CMIP: variants seen among roughly 807,000 people sequenced by gnomAD.
CMIP encodes the protein c-Maf inducing protein.
Under a neutral mutation model 97.3 loss-of-function variants are expected in CMIP, and 13 were observed. The ratio of observed to expected loss-of-function variants is 0.13; its 90% CI spans 0.09 to 0.21. The LOEUF (loss-of-function observed/expected upper bound fraction) is 0.21. CMIP is among the 10% of genes least tolerant of loss of function. The pLI is 1.00. For missense variants in CMIP, 847 were observed against 1,024.9 expected, an observed-to-expected ratio of 0.83 and a Z score of 2.37; for synonymous variants, 538 against 436.3, an observed-to-expected ratio of 1.23 and a Z score of -2.91.
chr16:81,683,576 G>T (rs1241535381), intron 10 of CMIP, among the ~76,000 whole-genome samples: 1 of 151,712 alleles, frequency 6.6e-6, no homozygotes. Context: ...TTTTAGTAGA[G>T]ACGGGTTTTT....
chr16:81,615,798 G>A (rs1436836486), intron 2 of CMIP, among the ~76,000 whole-genome samples: 1 of 152,032 alleles, frequency 6.6e-6, no homozygotes. Flanking sequence ...TTACATGGGT[G>A]TGAGTCCATA....
intron 19 of CMIP, among the ~76,000 whole-genome samples, chr16:81,705,954 G>A (rs536204731): frequency 2.6e-5 from 4 of 152,316 alleles, no homozygotes; most frequent in South Asian, 2.1e-4. Context: ...TGGTGGCAGC[G>A]TCTTCTGGGG....
rs576276316 is a variant in CMIP, at chr16:81,709,636, G to T, written c.2269-110G>T. On this transcript the variant is annotated intron_variant, in intron 20 of 20. Coordinates refer to ENST00000537098, the MANE Select transcript of CMIP (RefSeq NM_198390.3). ...CCAGGTAGCCCACAGCACCAAGGTG[G>T]GGAGAGGGTGGCAGAGACCCCCAGC... The T allele has an allele frequency of 1.3e-5, 16 of 1,221,938 alleles. No individual in the cohort carries two copies. The African/African-American group carries it at 2.4e-4, about 18-fold the overall frequency. 75.7% of individuals were successfully genotyped at this position (1,221,938 alleles called of 1,614,324 possible). A position where few individuals can be genotyped will look rare whatever the true frequency, so the allele number is the denominator to read the frequency against.
intron 1 of CMIP, among the ~76,000 whole-genome samples, chr16:81,591,289 A>C (rs1056949275): frequency 6.6e-6 from 1 of 152,198 alleles, no homozygotes; most frequent in Non-Finnish European, 1.5e-5. Context: ...TGAGGTCTTT[A>C]ATCAAGTCAC....
At chr16:81,450,570 A>G (rs1906144584) in intron 1 of CMIP, among the ~76,000 whole-genome samples, 1 of 152,180 alleles carries the variant, frequency 6.6e-6, no homozygotes, top group Non-Finnish European at 1.5e-5. Flanking sequence ...AAAGAGCTTC[A>G]TGACTTTCTG....
At chr16:81,455,276 C>G (rs982071981) in intron 1 of CMIP, among the ~76,000 whole-genome samples, 1 of 152,218 alleles carries the variant, frequency 6.6e-6, no homozygotes, top group Non-Finnish European at 1.5e-5. Context: ...AGTGTGTTTC[C>G]TCTTGCCAGG....
intron 18 of CMIP, 133 bp from the exon 19 acceptor site, chr16:81,705,366 C>G (rs985845865): frequency 1.9e-5 from 12 of 635,826 alleles, no homozygotes; most frequent in Non-Finnish European, 3.0e-5. Flanking sequence ...GCAGCCCAGA[C>G]CCCAGGGCTT....
At position 81,592,566 on chromosome 16, in the gene CMIP, A is replaced by G. The variant is rs112162887; in HGVS notation, c.301-15001A>G. On this transcript the variant is annotated intron_variant, in intron 1 of 20. Transcript: ENST00000537098. ...GTGTTGTTACTTTGCACTCCCCATT[A>G]CTTTGCACCCTCCGCTCACCCTGCT... Among the ~76,000 whole-genome samples, 68 of 151,960 alleles carry G rather than the reference A, an allele frequency of 4.5e-4. 1 individual carries two copies. Among genetic ancestry groups the G allele is most frequent in the African/African-American group, 1.6e-3 (68 of 41,428 alleles).
At chr16:81,657,633 TTTAA>T (rs2092499141) in intron 4 of CMIP, 138 bp from the exon 5 acceptor site, 5 of 699,158 alleles carry the variant, frequency 7.2e-6, no homozygotes, top group Non-Finnish European at 1.2e-5. Flanking sequence ...TTCTGATCTG[TTTAA>T]TTAAGAAAAA....
In CMIP at chr16:81,607,435, G is replaced by T. The variant is rs192060825; in HGVS notation, c.301-132G>T. On this transcript the variant is annotated intron_variant, in intron 1 of 20. Coordinates refer to ENST00000537098, the MANE Select transcript of CMIP (RefSeq NM_198390.3). ...GGGAGGCTTGCTTTGGTCACCAGAG[G>T]TGCTGAGCTCCTGCACCAGCTCCAT... The T allele has an allele frequency of 1.6e-5, 19 of 1,167,906 alleles. No individual in the cohort carries two copies. In the East Asian group the frequency reaches 4.0e-4, roughly 25 times the overall value. The allele number at this position is 1,167,906 out of a possible 1,614,324, so 72.3% of individuals were successfully genotyped here.
At chr16:81,580,733 G>A (rs931896782) in intron 1 of CMIP, among the ~76,000 whole-genome samples, 1 of 151,134 alleles carries the variant, frequency 6.6e-6, no homozygotes, top group African/African-American at 2.4e-5. Flanking sequence ...ACTGCTCCTG[G>A]TTGCAGTGAG....
chr16:81,499,145 C>T (rs1478732456), intron 1 of CMIP, among the ~76,000 whole-genome samples: 1 of 152,106 alleles, frequency 6.6e-6, no homozygotes, highest in South Asian at 2.1e-4. Flanking sequence ...GGCCCTGACA[C>T]GATGCTGTTT....
rs114807986 is a variant in CMIP, at chr16:81,700,961, G to A, written c.1756-699G>A. 2.4e-3 allele frequency among the ~76,000 whole-genome samples: 362 copies of A among 152,288 alleles called. 3 individuals carry two copies. Among genetic ancestry groups the A allele is most frequent in the African/African-American group, 7.1e-3 (297 of 41,566 alleles). On this transcript the variant is annotated intron_variant, in intron 15 of 20. Coordinates refer to ENST00000537098, the MANE Select transcript of CMIP (RefSeq NM_198390.3). ...ACAGGCAAGAGGCGCTGTGAGAAGC[G>A]TGGGCTGAGTGACCTGCTCCTTGGT...
At chr16:81,604,883 A>G (rs1396852241) in intron 1 of CMIP, among the ~76,000 whole-genome samples, 1 of 152,140 alleles carries the variant, frequency 6.6e-6, no homozygotes, top group African/African-American at 2.4e-5. Context: ...ACACGGATGA[A>G]AGTTGCCTTT....
intron 7 of CMIP, among the ~76,000 whole-genome samples, chr16:81,668,017 C>T: frequency 6.6e-6 from 1 of 152,110 alleles, no homozygotes; most frequent in Non-Finnish European, 1.5e-5. Flanking sequence ...TAGAAACTCT[C>T]TCCTGGGAGC....
At chr16:81,607,514 A>G in intron 1 of CMIP, 53 bp from the exon 2 acceptor site, 2 of 1,598,084 alleles carry the variant, frequency 1.3e-6, no homozygotes, top group South Asian at 1.1e-5. Flanking sequence ...TGCGGACGTC[A>G]TGCCTGCTAC....
intron 1 of CMIP, among the ~76,000 whole-genome samples, chr16:81,597,311 G>C (rs578224489): frequency 2.3e-4 from 35 of 152,286 alleles, no homozygotes; most frequent in African/African-American, 7.9e-4. Context: ...ATTTGAGCCA[G>C]TCTGCTGGTA....
At chr16:81,469,632 G>T (rs1184828116) in intron 1 of CMIP, among the ~76,000 whole-genome samples, 1 of 152,236 alleles carries the variant, frequency 6.6e-6, no homozygotes, top group Non-Finnish European at 1.5e-5. Context: ...TTTGGAGTCA[G>T]ACCTTCTTAA....
intron 1 of CMIP, among the ~76,000 whole-genome samples, chr16:81,566,412 G>C (rs1010697803): frequency 6.6e-6 from 1 of 152,200 alleles, no homozygotes; most frequent in Non-Finnish European, 1.5e-5. Context: ...CTCTTTCTCA[G>C]GCAGGTCCTG....
Sources: gnomAD v4.1 joint callset for allele counts (sites outside exome capture counted in the v4.1 genomes callset) on GRCh38, gnomAD v4.1.1 for gene constraint, MANE v1.5 for transcripts, NCBI Gene and HGNC (gene_info 2026-07-23, HGNC 2026-07-21) for gene names.